LRRC72: variants seen among roughly 807,000 people sequenced by gnomAD.
LRRC72 encodes the protein leucine-rich repeat-containing protein 72.
LRRC72 carries 41 observed loss-of-function variants against 35.8 expected under a neutral mutation model. That is an observed-to-expected ratio of 1.15 (90% CI 0.89 to 1.49). The LOEUF (loss-of-function observed/expected upper bound fraction) is 1.49. Among genes scored for constraint, LRRC72 ranks in the 40% most tolerant of loss-of-function variants. LRRC72 has a pLI of 0.00. For missense variants in LRRC72, 389 were observed against 330.7 expected, an observed-to-expected ratio of 1.18 and a Z score of -1.37; for synonymous variants, 118 against 119.2, an observed-to-expected ratio of 0.99 and a Z score of 0.07.
Position 16,557,442 on chromosome 7 carries a change from G to A in LRRC72, c.316+1G>A, listed in dbSNP as rs972293629. ...AACAATGCAATATTTGAGATAGAAG[G>A]TACGTCTTAAATTCTCTGTTGATTT... On this transcript the variant is annotated splice_donor_variant, in intron 4 of 8. Coordinates refer to ENST00000401542, the MANE Select transcript of LRRC72 (RefSeq NM_001195280.2). LOFTEE classifies it high-confidence loss of function. 4 of 1,192,662 alleles carry A rather than the reference G, an allele frequency of 3.4e-6. No homozygotes were observed. Among genetic ancestry groups the A allele is most frequent in the Non-Finnish European group, 4.4e-6 (4 of 902,858 alleles). The allele number at this position is 1,192,662 out of a possible 1,614,324, so 73.9% of individuals were successfully genotyped here.
chr7:16,567,164 C>A, intron 6 of LRRC72, among the ~76,000 whole-genome samples: 1 of 152,016 alleles, frequency 6.6e-6, no homozygotes, highest in East Asian at 1.9e-4. Flanking sequence ...GTTTGGGATG[C>A]ATTAGATTGA....
At chr7:16,568,002 C>T (rs184190497) in intron 7 of LRRC72, among the ~76,000 whole-genome samples, 1 of 152,032 alleles carries the variant, frequency 6.6e-6, no homozygotes, top group African/African-American at 2.4e-5. Flanking sequence ...TACTCACATA[C>T]AGGGTCATTA....
chr7:16,548,192 G>A (rs1782482286), intron 3 of LRRC72, among the ~76,000 whole-genome samples: 1 of 152,196 alleles, frequency 6.6e-6, no homozygotes, highest in Non-Finnish European at 1.5e-5. Flanking sequence ...TCTCTAAGGT[G>A]TTCTATTGCT....
At chr7:16,555,669 G>GT (rs1782638194) in intron 3 of LRRC72, among the ~76,000 whole-genome samples, 1 of 152,132 alleles carries the variant, frequency 6.6e-6, no homozygotes, top group African/African-American at 2.4e-5. Flanking sequence ...CTACTTGGGA[G>GT]GCTGAGGTGG....
In LRRC72 at chr7:16,544,913, T is replaced by G. The variant is rs981463331; in HGVS notation, c.234+7217T>G. ...ATGCATTTTATAAATTCAGTTTACA[T>G]AAAAGGACGCTTCTGGCGAAGTCAT... is the stretch of plus-strand genomic sequence containing the variant. On this transcript the variant is annotated intron_variant, in intron 3 of 8. Transcript: ENST00000401542. Among the ~76,000 whole-genome samples, 7 of 152,208 alleles carry G rather than the reference T, an allele frequency of 4.6e-5. No homozygotes were observed. The East Asian group carries it at 1.3e-3, about 29-fold the overall frequency.
intron 3 of LRRC72, among the ~76,000 whole-genome samples, chr7:16,542,466 C>T (rs984342034): frequency 1.3e-5 from 2 of 152,160 alleles, no homozygotes; most frequent in African/African-American, 4.8e-5. Context: ...GTGACAAAGC[C>T]TCAGGAGGTC....
chr7:16,569,026 A>C (rs492187), intron 7 of LRRC72, among the ~76,000 whole-genome samples: 69,945 of 152,004 alleles, frequency 0.46, 16,477 homozygotes, highest in South Asian at 0.67. Flanking sequence ...TAACAGGAAA[A>C]GTTAAAGAAT....
chr7:16,559,042 T>C (rs762573085), intron 5 of LRRC72, 43 bp downstream of exon 5: 1 of 1,129,522 alleles, frequency 8.9e-7, no homozygotes, highest in East Asian at 2.6e-5. Context: ...TAAAATAGTA[T>C]TAACATAAGA....
At chr7:16,530,964 G>C (rs1245843196) in intron 1 of LRRC72, among the ~76,000 whole-genome samples, 1 of 152,000 alleles carries the variant, frequency 6.6e-6, no homozygotes, top group Non-Finnish European at 1.5e-5. Context: ...TGGGAGGCCA[G>C]GGCAGGCAGA....
intron 1 of LRRC72, among the ~76,000 whole-genome samples, chr7:16,529,715 G>A (rs879793939): frequency 1.3e-5 from 2 of 152,150 alleles, no homozygotes; most frequent in Non-Finnish European, 2.9e-5. Context: ...AAAAACTTGT[G>A]TAAATAAATA....
chr7:16,567,765 G>A (rs1307765534), intron 7 of LRRC72, among the ~76,000 whole-genome samples: 2 of 151,992 alleles, frequency 1.3e-5, no homozygotes, highest in South Asian at 2.1e-4. Context: ...AATTAAATGG[G>A]GTGCTGTGAT....
At chr7:16,578,200 A>C (rs6960227) in intron 7 of LRRC72, among the ~76,000 whole-genome samples, 37 of 152,312 alleles carry the variant, frequency 2.4e-4, no homozygotes, top group African/African-American at 8.9e-4. Flanking sequence ...TTATAGAATT[A>C]ATCCATAATA....
chr7:16,559,405 A>C (rs1017224042), intron 5 of LRRC72, among the ~76,000 whole-genome samples: 1 of 152,134 alleles, frequency 6.6e-6, no homozygotes, highest in African/African-American at 2.4e-5. Context: ...GAAAAAAAAA[A>C]AATTAGATAT....
intron 5 of LRRC72, among the ~76,000 whole-genome samples, chr7:16,564,357 G>A (rs866098871): frequency 6.6e-6 from 1 of 151,420 alleles, no homozygotes; most frequent in Non-Finnish European, 1.5e-5. Context: ...TCTCTGGCTC[G>A]AACTACAATT....
intron 3 of LRRC72, among the ~76,000 whole-genome samples, chr7:16,553,574 TG>T (rs1303698092): frequency 5.3e-5 from 8 of 152,142 alleles, no homozygotes; most frequent in African/African-American, 1.9e-4. Context: ...CAACTGAGAG[TG>T]TTTTTGCCTC....
chr7:16,537,806 A>G lies in LRRC72; in HGVS notation c.234+110A>G, dbSNP rs1265107078. The G allele has an allele frequency of 9.2e-6, 6 of 652,486 alleles. No homozygotes were observed. The Admixed American group carries it at 1.0e-4, about 11-fold the overall frequency. The allele number at this position is 652,486 out of a possible 1,614,324, so 40.4% of individuals were successfully genotyped here. A position where few individuals can be genotyped will look rare whatever the true frequency, so the allele number is the denominator to read the frequency against. On this transcript the variant is annotated intron_variant, in intron 3 of 8. Coordinates refer to ENST00000401542, the MANE Select transcript of LRRC72 (RefSeq NM_001195280.2). ...ATTAAAATTTTTGCTTAAAATTTAA[A>G]TTGAGCTAAGAAACCCATATAAAAC...
intron 5 of LRRC72, among the ~76,000 whole-genome samples, chr7:16,562,389 A>G (rs948608812): frequency 1.3e-5 from 2 of 152,214 alleles, no homozygotes; most frequent in African/African-American, 2.4e-5. Context: ...AGCCGCAGCA[A>G]CAAAATGCTT....
chr7:16,538,953 C>A (rs979045245), intron 3 of LRRC72, among the ~76,000 whole-genome samples: 16 of 152,194 alleles, frequency 1.1e-4, no homozygotes, highest in African/African-American at 3.4e-4. Context: ...TTGGGGAGTT[C>A]TTTATAGCAG....
intron 3 of LRRC72, among the ~76,000 whole-genome samples, chr7:16,556,727 G>A (rs1257330140): frequency 6.6e-6 from 1 of 152,168 alleles, no homozygotes; most frequent in Non-Finnish European, 1.5e-5. Flanking sequence ...CAAAAAGTGG[G>A]TCAATAGGGC....
Sources: allele counts gnomAD v4.1 joint callset (sites outside exome capture counted in the v4.1 genomes callset), GRCh38; gene constraint gnomAD v4.1.1; transcripts MANE v1.5; gene names NCBI Gene and HGNC (gene_info 2026-07-23, HGNC 2026-07-21).